RIC8B: variants seen among roughly 807,000 people sequenced by gnomAD.
The protein encoded by RIC8B is RIC8 guanine nucleotide exchange factor B, also known as chaperone Ric-8B.
RIC8B carries 16 observed loss-of-function variants against 57.5 expected under a neutral mutation model. The observed-to-expected ratio is 0.28, with a 90% CI of 0.19 to 0.42. The LOEUF is 0.42. Among genes scored for constraint, RIC8B ranks in the 10% least tolerant of loss-of-function variants. The probability of loss-of-function intolerance (pLI) is 1.00; values close to 1 mark genes in which losing one functional copy is unlikely to be tolerated. For missense variants in RIC8B, 481 were observed against 677.0 expected, an observed-to-expected ratio of 0.71 and a Z score of 3.21; for synonymous variants, 216 against 250.8, an observed-to-expected ratio of 0.86 and a Z score of 1.31.
chr12:106,796,988 A>G (rs1049664562), intron 2 of RIC8B, among the ~76,000 whole-genome samples: 4 of 152,242 alleles, frequency 2.6e-5, no homozygotes, highest in African/African-American at 9.6e-5. Context: ...CATACCCACT[A>G]GGATGGCTAA....
intron 1 of RIC8B, 41 bp downstream of exon 1, chr12:106,774,870 G>A (rs1311030407): frequency 3.4e-6 from 5 of 1,465,414 alleles, no homozygotes; most frequent in Non-Finnish European, 4.6e-6. Flanking sequence ...TCGCACCCCC[G>A]GGCCGCCCTC....
intron 2 of RIC8B, among the ~76,000 whole-genome samples, chr12:106,798,667 C>A (rs915660303): frequency 2.0e-5 from 3 of 151,926 alleles, no homozygotes; most frequent in Non-Finnish European, 4.4e-5. Context: ...TATATGAACT[C>A]TAAATCTGCT....
chr12:106,821,068 G>A (rs2045818559), intron 3 of RIC8B, among the ~76,000 whole-genome samples: 1 of 152,188 alleles, frequency 6.6e-6, no homozygotes, highest in Non-Finnish European at 1.5e-5. Flanking sequence ...GTAAACAGTT[G>A]TATAAGCTGT....
rs559462100 is a variant in RIC8B, at chr12:106,814,680, C to T, written c.133-16C>T. On this transcript the variant is annotated splice_polypyrimidine_tract_variant and intron_variant, in intron 2 of 9. Coordinates refer to ENST00000392837, the MANE Select transcript of RIC8B (RefSeq NM_001330145.2). ...AGCCAAATAATGATTTTTGCATACTCGTTCTTGTTTTTCAGAAACTCTGTG... is the reference window on the plus strand; with the variant it reads ...AGCCAAATAATGATTTTTGCATACTTGTTCTTGTTTTTCAGAAACTCTGTG... 14 of 1,564,248 alleles carry T rather than the reference C, an allele frequency of 8.9e-6. No homozygotes were observed. The East Asian group carries it at 9.0e-5, about 10-fold the overall frequency.
intron 7 of RIC8B, 95 bp from the exon 8 acceptor site, chr12:106,860,173 A>AGTGT: frequency 9.3e-7 from 1 of 1,072,122 alleles, no homozygotes; most frequent in South Asian, 2.0e-5. Flanking sequence ...TTACTGCCAT[A>AGTGT]GTGTGTGTCT....
chr12:106,818,372 G>A (rs2045681711), intron 3 of RIC8B, among the ~76,000 whole-genome samples: 1 of 152,050 alleles, frequency 6.6e-6, no homozygotes, highest in Admixed American at 6.6e-5. Flanking sequence ...TACCATGTTG[G>A]CCAGGCTGGT....
At chr12:106,860,644 C>A (rs967033848) in intron 8 of RIC8B, among the ~76,000 whole-genome samples, 2 of 152,108 alleles carry the variant, frequency 1.3e-5, no homozygotes, top group Non-Finnish European at 2.9e-5. Flanking sequence ...TATCTTCTCC[C>A]AAGTACTAAG....
At chr12:106,858,518 A>G (rs996579377) in intron 7 of RIC8B, among the ~76,000 whole-genome samples, 8 of 152,096 alleles carry the variant, frequency 5.3e-5, no homozygotes, top group Non-Finnish European at 1.2e-4. Context: ...GTACTTTTTA[A>G]GGATTCCTTC....
chr12:106,856,899 C>T (rs1321201579), intron 7 of RIC8B, among the ~76,000 whole-genome samples: 1 of 152,042 alleles, frequency 6.6e-6, no homozygotes, highest in Non-Finnish European at 1.5e-5. Flanking sequence ...AGAAATGTGC[C>T]GGTGCTATGG....
At chr12:106,799,065 C>T (rs946951618) in intron 2 of RIC8B, among the ~76,000 whole-genome samples, 6 of 152,116 alleles carry the variant, frequency 3.9e-5, no homozygotes, top group Non-Finnish European at 7.3e-5. Flanking sequence ...TTTTCAGATA[C>T]GTTCCTGTAT....
chr12:106,779,075 G>A (rs945438561), intron 1 of RIC8B, among the ~76,000 whole-genome samples: 2 of 152,034 alleles, frequency 1.3e-5, no homozygotes, highest in African/African-American at 2.4e-5. Context: ...CACCATGCGC[G>A]GCTAATTTTG....
At chr12:106,885,352 AAG>A (rs2136691068) in intron 9 of RIC8B, among the ~76,000 whole-genome samples, 1 of 152,200 alleles carries the variant, frequency 6.6e-6, no homozygotes, top group Admixed American at 6.5e-5. Context: ...AGAGAGAGAG[AAG>A]GAAAGAAAAG....
At chr12:106,853,516 T>TGGAGTGCA (rs1306016415) in intron 7 of RIC8B, among the ~76,000 whole-genome samples, 1 of 131,954 alleles carries the variant, frequency 7.6e-6, no homozygotes, top group Admixed American at 8.6e-5. Context: ...TCGCCCAGGC[T>TGGAGTGCA]GGAGTGCAGT....
intron 3 of RIC8B, among the ~76,000 whole-genome samples, chr12:106,821,576 AT>A (rs2136312206): frequency 6.6e-6 from 1 of 152,334 alleles, no homozygotes; most frequent in African/African-American, 2.4e-5. Flanking sequence ...AACATTTCTT[AT>A]ATGAGCAAAG....
In RIC8B at chr12:106,873,038, C is replaced by T. The variant is rs142103802; in HGVS notation, c.1571+2096C>T. On this transcript the variant is annotated intron_variant, in intron 9 of 9. Transcript: ENST00000392837. ...CTTCTCCTTTTAATCTCAGGGGAAT[C>T]CACATATTCTAGAAGCTGCCAACAA... The T allele has an allele frequency of 2.0e-4, 195 of 985,404 alleles. 2 individuals are homozygous for T. The African/African-American group carries it at 3.2e-3, about 16-fold the overall frequency. The allele number at this position is 985,404 out of a possible 1,614,324, so 61.0% of individuals were successfully genotyped here.
chr12:106,780,565 C>G (rs1282469889), intron 1 of RIC8B, among the ~76,000 whole-genome samples: 5 of 152,204 alleles, frequency 3.3e-5, no homozygotes, highest in African/African-American at 1.2e-4. Flanking sequence ...GGCTCTGACT[C>G]TTTGATTTCA....
At chr12:106,872,753 C>T (rs1950496615) in intron 9 of RIC8B, among the ~76,000 whole-genome samples, 1 of 150,998 alleles carries the variant, frequency 6.6e-6, no homozygotes, top group African/African-American at 2.4e-5. Flanking sequence ...GAGTAGAACA[C>T]ATTAGTGTGT....
intron 2 of RIC8B, among the ~76,000 whole-genome samples, chr12:106,805,942 T>C (rs1047610697): frequency 2.0e-5 from 3 of 152,120 alleles, no homozygotes; most frequent in Admixed American, 2.0e-4. Flanking sequence ...TGTTTTTTTG[T>C]GTTTGGTTTT....
In RIC8B at chr12:106,879,662, G is replaced by T; in HGVS notation, c.1572-6242G>T. The T allele has an allele frequency of 1.0e-6, 1 of 985,414 alleles. No homozygotes were observed. The highest frequency in any genetic ancestry group is 1.2e-6 in the Non-Finnish European group (1 of 829,940). The allele number at this position is 985,414 out of a possible 1,614,324, so 61.0% of individuals were successfully genotyped here. Reference sequence around the variant, plus strand: ...AAGGGTTAGGCTGGGGCAAAATAGGGTTTCCTTTCTTGGACGTGCTTTATC... The same window carrying T: ...AAGGGTTAGGCTGGGGCAAAATAGGTTTTCCTTTCTTGGACGTGCTTTATC... On this transcript the variant is annotated intron_variant, in intron 9 of 9. Transcript: ENST00000392837. The surrounding 1 kb of genome is among the most constrained non-coding windows in gnomAD (Gnocchi z 4.9).
Sources: allele counts gnomAD v4.1 joint callset (sites outside exome capture counted in the v4.1 genomes callset), GRCh38; gene constraint gnomAD v4.1.1; non-coding constraint Gnocchi (gnomAD v3.1); transcripts MANE v1.5; gene names NCBI Gene and HGNC (gene_info 2026-07-23, HGNC 2026-07-21).